UQCC1: variants seen among roughly 807,000 people sequenced by gnomAD.
UQCC1 encodes ubiquinol-cytochrome c reductase complex assembly factor 1.
UQCC1 carries 38 observed loss-of-function variants against 48.0 expected under a neutral mutation model. That is an observed-to-expected ratio of 0.79 (90% CI 0.61 to 1.04). UQCC1 has a LOEUF of 1.04. Ranked by LOEUF, UQCC1 falls within the 50% of genes least tolerant of loss-of-function variation. UQCC1 has a pLI of 0.00. For missense variants in UQCC1, 368 were observed against 381.8 expected (o/e 0.96, Z 0.30); for synonymous variants, 111 against 129.2 (o/e 0.86, Z 0.95).
intron 2 of UQCC1, chr20:35,384,648 T>TGA (rs756673974): frequency 5.2e-6 from 2 of 383,690 alleles, no homozygotes; most frequent in Admixed American, 2.9e-5. Context: ...ACCCTGTCTG[T>TGA]AAAAAAAAAA....
rs543675972 is a variant in UQCC1, at chr20:35,377,435, T to C, written c.334-3179A>G. Among the ~76,000 whole-genome samples the C allele has an allele frequency of 9.8e-5, 15 of 152,328 alleles. No homozygotes were observed. In the South Asian group the frequency reaches 2.7e-3, roughly 27 times the overall value. ...TAATCTAATAATATCATGATCCTAATAATTTGGCCTTGACAGGCCTACTCC... is the reference window on the plus strand; with the variant it reads ...TAATCTAATAATATCATGATCCTAACAATTTGGCCTTGACAGGCCTACTCC... On this transcript the variant is annotated intron_variant, in intron 4 of 9. Transcript: ENST00000374385.
At chr20:35,310,739 C>T (rs1200504127) in intron 8 of UQCC1, among the ~76,000 whole-genome samples, 1 of 128,080 alleles carries the variant, frequency 7.8e-6, no homozygotes, top group African/African-American at 3.0e-5. Context: ...GTCACCCAGG[C>T]TGGAGTGCAG....
intron 8 of UQCC1, among the ~76,000 whole-genome samples, chr20:35,312,228 A>G (rs150783471): frequency 6.6e-6 from 1 of 152,316 alleles, no homozygotes; most frequent in East Asian, 1.9e-4. Flanking sequence ...CACTTGAGCA[A>G]TAATTCTCAA....
At chr20:35,314,533 T>C (rs924316812) in intron 8 of UQCC1, among the ~76,000 whole-genome samples, 155 bp downstream of exon 8, 1 of 152,176 alleles carries the variant, frequency 6.6e-6, no homozygotes, top group Non-Finnish European at 1.5e-5. Context: ...AGCACATTCA[T>C]TCTCGCTGCC....
At chr20:35,331,443 G>A (rs2061256408) in intron 7 of UQCC1, among the ~76,000 whole-genome samples, 1 of 151,258 alleles carries the variant, frequency 6.6e-6, no homozygotes, top group Non-Finnish European at 1.5e-5. Context: ...CAGAGTAGGA[G>A]GTGTGAGAAA....
intron 7 of UQCC1, among the ~76,000 whole-genome samples, chr20:35,332,109 T>G (rs546102087): frequency 4.3e-4 from 66 of 152,320 alleles, no homozygotes; most frequent in African/African-American, 1.5e-3. Context: ...TTTGGAAAAC[T>G]GGGCACCGGC....
chr20:35,350,533 C>T (rs975079317), intron 6 of UQCC1, among the ~76,000 whole-genome samples: 2 of 151,334 alleles, frequency 1.3e-5, no homozygotes, highest in African/African-American at 4.9e-5. Flanking sequence ...CCCATCTCTA[C>T]CAAAAACACA....
chr20:35,341,208 G>C (rs190570412), intron 7 of UQCC1, among the ~76,000 whole-genome samples: 1 of 120,398 alleles, frequency 8.3e-6, no homozygotes, highest in Non-Finnish European at 1.7e-5. Context: ...GTGACAGAGA[G>C]AGACTCCGTC....
intron 9 of UQCC1, 41 bp from the exon 10 acceptor site, chr20:35,304,110 G>A (rs199932647): frequency 1.2e-6 from 2 of 1,612,300 alleles, no homozygotes; most frequent in Admixed American, 1.7e-5. Flanking sequence ...GACAGAGGCA[G>A]GGCAGAGGTG....
At chr20:35,343,532 A>G (rs549838339) in intron 7 of UQCC1, among the ~76,000 whole-genome samples, 1 of 152,348 alleles carries the variant, frequency 6.6e-6, no homozygotes, top group South Asian at 2.1e-4. Flanking sequence ...TGTCTTGCCT[A>G]TATAAGGCAT....
chr20:35,312,159 T>G (rs1041790295), intron 8 of UQCC1, among the ~76,000 whole-genome samples: 4 of 152,300 alleles, frequency 2.6e-5, no homozygotes, highest in South Asian at 2.1e-4. Context: ...AGCCTCATCC[T>G]TTTCTATATT....
chr20:35,352,192 G>C (rs1269360478), intron 6 of UQCC1, among the ~76,000 whole-genome samples: 1 of 152,234 alleles, frequency 6.6e-6, no homozygotes, highest in South Asian at 2.1e-4. Context: ...AAAGACAAAG[G>C]GAATGTCCAG....
intron 2 of UQCC1, among the ~76,000 whole-genome samples, chr20:35,384,380 C>T (rs1280139362): frequency 2.0e-4 from 31 of 152,174 alleles, no homozygotes; most frequent in Admixed American, 2.0e-3. Flanking sequence ...ATAGCTCACA[C>T]CTGTAATTCC....
chr20:35,386,515 C>T, intron 2 of UQCC1: 3 of 359,870 alleles, frequency 8.3e-6, no homozygotes, highest in South Asian at 6.6e-5. Flanking sequence ...GGCTTTAATT[C>T]ATAAGTATCA....
chr20:35,355,010 T>TCAAACC (rs2146409347), intron 6 of UQCC1, among the ~76,000 whole-genome samples: 1 of 152,024 alleles, frequency 6.6e-6, no homozygotes, highest in Admixed American at 6.5e-5. Context: ...CACGGCACAC[T>TCAAACC]CACACCCACA....
intron 6 of UQCC1, among the ~76,000 whole-genome samples, chr20:35,363,389 C>T (rs2146432525): frequency 6.6e-6 from 1 of 152,262 alleles, no homozygotes; most frequent in South Asian, 2.1e-4. Context: ...ACAGTCAATA[C>T]TAATCTTGTT....
chr20:35,329,851 G>A (rs1187345991), intron 7 of UQCC1, among the ~76,000 whole-genome samples: 2 of 152,202 alleles, frequency 1.3e-5, no homozygotes, highest in African/African-American at 4.8e-5. Flanking sequence ...TCTTACTACT[G>A]CAACCACTGC....
chr20:35,357,284 G>GC (rs1296932937), intron 6 of UQCC1, among the ~76,000 whole-genome samples: 4 of 152,178 alleles, frequency 2.6e-5, no homozygotes, highest in Non-Finnish European at 5.9e-5. Context: ...ACTTTGGGAG[G>GC]CTGAGGCAGG....
intron 7 of UQCC1, among the ~76,000 whole-genome samples, chr20:35,330,412 T>C (rs1039679673): frequency 6.6e-6 from 1 of 152,212 alleles, no homozygotes; most frequent in Non-Finnish European, 1.5e-5. Context: ...GCCACTGAAA[T>C]GATTAGGAGA....
Sources: gnomAD v4.1 joint callset for allele counts (sites outside exome capture counted in the v4.1 genomes callset) on GRCh38, gnomAD v4.1.1 for gene constraint, MANE v1.5 for transcripts, NCBI Gene and HGNC (gene_info 2026-07-23, HGNC 2026-07-21) for gene names.